Variants in ZDHHC23 observed in about 807,000 individuals in gnomAD.
The protein encoded by ZDHHC23 is zDHHC palmitoyltransferase 23.
In ZDHHC23, 41 loss-of-function variants were observed where a neutral mutation model predicts 40.2. The ratio of observed to expected loss-of-function variants is 1.02; its 90% CI spans 0.79 to 1.32. ZDHHC23 has a LOEUF of 1.32. Among genes scored for constraint, ZDHHC23 ranks in the 40% most tolerant of loss-of-function variants. ZDHHC23 has a pLI of 0.00. For missense variants in ZDHHC23, 471 were observed against 541.5 expected (o/e 0.87, Z 1.29); for synonymous variants, 204 against 210.2 (o/e 0.97, Z 0.26).
rs1458071354 is a variant in ZDHHC23, at chr3:113,948,763, T to G, written c.-40T>G. 2 of 1,612,908 alleles carry G rather than the reference T, an allele frequency of 1.2e-6. No individual in the cohort carries two copies. Among genetic ancestry groups the G allele is most frequent in the African/African-American group, 2.7e-5 (2 of 74,760 alleles). ...AGTTGTGTTCTTTCCACCTTTACCTTCTGAGGGCTTCTTACGCCTCATGGT... is the reference window on the plus strand; with the variant it reads ...AGTTGTGTTCTTTCCACCTTTACCTGCTGAGGGCTTCTTACGCCTCATGGT... On this transcript the variant is annotated 5_prime_UTR_variant, in exon 2 of 5. Coordinates refer to ENST00000638807, the MANE Select transcript of ZDHHC23 (RefSeq NM_001320466.2).
chr3:113,947,927 T>A (rs1242541172), upstream of ZDHHC23: 1 of 146,444 alleles, frequency 6.8e-6, no homozygotes, highest in Non-Finnish European at 1.5e-5. Flanking sequence ...CGCGTGGACC[T>A]GGCGCACCGA....
rs1237277903 is a variant in ZDHHC23 at position 113,958,710 on chromosome 3, C to G, written c.*80C>G. ...CCATTTTACACTTCAGTGTCCATTT[C>G]TATCCCCAGTTTCTTAAAGGCATTA... On this transcript the variant is annotated 3_prime_UTR_variant, in exon 5 of 5. Transcript: ENST00000638807. The G allele has an allele frequency of 6.3e-7, 1 of 1,592,526 alleles. No individual in the cohort carries two copies.
At chr3:113,966,477 T>C (rs1194360277), downstream of ZDHHC23, among the ~76,000 whole-genome samples, 1 of 152,136 alleles carries the variant, frequency 6.6e-6, no homozygotes, top group East Asian at 1.9e-4. Context: ...CTACCCAGTC[T>C]GGTGGTGAGG....
At chr3:113,957,140 G>A (rs76062808) in intron 4 of ZDHHC23, among the ~76,000 whole-genome samples, 20,332 of 152,046 alleles carry the variant, frequency 0.13, 1,500 homozygotes, top group South Asian at 0.26. Flanking sequence ...CTTCCGCTTC[G>A]GCCTCAGCGC....
In ZDHHC23 at chr3:113,962,435, A is replaced by G. The variant is rs1274232674; in HGVS notation, c.*3805A>G. 6.6e-6 allele frequency: 1 copy of G among 152,266 alleles called. No individual in the cohort carries two copies. The highest frequency in any genetic ancestry group is 1.5e-5 in the Non-Finnish European group (1 of 68,054). 9.4% of individuals were successfully genotyped at this position (152,266 alleles called of 1,614,324 possible). The stretch of plus-strand genomic sequence containing the variant: ...GTCTAGGTTGGGCTTGTGACTTCTT[A>G]GTGGCCTAGCCTTCTTGATGGCACC... On this transcript the variant is annotated 3_prime_UTR_variant, in exon 5 of 5. Transcript: ENST00000638807.
the ZDHHC23 span, among the ~76,000 whole-genome samples, chr3:113,972,401 C>CA: frequency 1.3e-5 from 2 of 152,024 alleles, no homozygotes; most frequent in Non-Finnish European, 2.9e-5. Context: ...GTTCCTCTTA[C>CA]TGATTCCTAA....
Position 113,958,667 on chromosome 3 carries a change from C to T in ZDHHC23, c.*37C>T, listed in dbSNP as rs768186885. On this transcript the variant is annotated 3_prime_UTR_variant, in exon 5 of 5. Transcript: ENST00000638807. Reference sequence around the variant, plus strand: ...TGTGGCTCTCTGAGGGATGATGGCTCCTCCTTCCGTCTCCCTTCCATTTTA... The same window carrying T: ...TGTGGCTCTCTGAGGGATGATGGCTTCTCCTTCCGTCTCCCTTCCATTTTA... The T allele has an allele frequency of 8.8e-6, 14 of 1,593,384 alleles. No individual in the cohort carries two copies. The Middle Eastern group carries it at 1.2e-3, about 131-fold the overall frequency.
intron 2 of ZDHHC23, among the ~76,000 whole-genome samples, 160 bp from the exon 3 acceptor site, chr3:113,953,540 A>G (rs528446459): frequency 6.6e-6 from 1 of 152,366 alleles, no homozygotes; most frequent in South Asian, 2.1e-4. Flanking sequence ...TTAAAAAATG[A>G]CATGTGAATC....
chr3:113,962,445 C>G lies in ZDHHC23; in HGVS notation c.*3815C>G, dbSNP rs1020179128. The G allele has an allele frequency of 1.3e-5, 2 of 152,206 alleles. No individual in the cohort carries two copies. The highest frequency in any genetic ancestry group is 4.8e-5 in the African/African-American group (2 of 41,454). 9.4% of individuals were successfully genotyped at this position (152,206 alleles called of 1,614,324 possible). A position where few individuals can be genotyped will look rare whatever the true frequency, so the allele number is the denominator to read the frequency against. On this transcript the variant is annotated 3_prime_UTR_variant, in exon 5 of 5. Coordinates refer to ENST00000638807, the MANE Select transcript of ZDHHC23 (RefSeq NM_001320466.2). The stretch of plus-strand genomic sequence containing the variant: ...GGCTTGTGACTTCTTAGTGGCCTAG[C>G]CTTCTTGATGGCACCTTGAAAGTGA...
At chr3:113,978,332 C>CTGGG in the ZDHHC23 span, 2 of 1,613,500 alleles carry the variant, frequency 1.2e-6, no homozygotes, top group Non-Finnish European at 1.7e-6. Flanking sequence ...CAATCACGTA[C>CTGGG]TGGGGATGAA....
At chr3:113,978,063 G>T in the ZDHHC23 span, 1 of 1,050,110 alleles carries the variant, frequency 9.5e-7, no homozygotes, top group Non-Finnish European at 1.4e-6. Context: ...TCCCACCCCT[G>T]ACTGGTGTTT....
At chr3:113,971,071 G>GTA in the ZDHHC23 span, among the ~76,000 whole-genome samples, 2 of 152,164 alleles carry the variant, frequency 1.3e-5, no homozygotes, top group East Asian at 3.8e-4. Flanking sequence ...AATCCTTTGG[G>GTA]TATATACCCA....
the ZDHHC23 span, among the ~76,000 whole-genome samples, chr3:113,976,950 T>TC: frequency 6.6e-6 from 1 of 152,200 alleles, no homozygotes; most frequent in South Asian, 2.1e-4. Flanking sequence ...TTATCTGTTT[T>TC]CCCACTCCAC....
chr3:113,956,138 A>T (rs1027984677), intron 3 of ZDHHC23, among the ~76,000 whole-genome samples: 3 of 152,164 alleles, frequency 2.0e-5, no homozygotes, highest in Admixed American at 1.3e-4. Context: ...GCTACTTGAG[A>T]GGCTGAGGCA....
chr3:113,962,425 G>A lies in ZDHHC23; in HGVS notation c.*3795G>A, dbSNP rs954407730. On this transcript the variant is annotated 3_prime_UTR_variant, in exon 5 of 5. Transcript: ENST00000638807. Reference sequence around the variant, plus strand: ...AGGCTGCGATGTCTAGGTTGGGCTTGTGACTTCTTAGTGGCCTAGCCTTCT... The same window carrying A: ...AGGCTGCGATGTCTAGGTTGGGCTTATGACTTCTTAGTGGCCTAGCCTTCT... The A allele has an allele frequency of 2.0e-5, 3 of 152,228 alleles. No individual in the cohort carries two copies. The highest frequency in any genetic ancestry group is 7.2e-5 in the African/African-American group (3 of 41,452). The allele number at this position is 152,228 out of a possible 1,614,324, so 9.4% of individuals were successfully genotyped here. A position where few individuals can be genotyped will look rare whatever the true frequency, so the allele number is the denominator to read the frequency against.
chr3:113,976,503 C>T, the ZDHHC23 span, among the ~76,000 whole-genome samples: 2 of 152,116 alleles, frequency 1.3e-5, no homozygotes, highest in Non-Finnish European at 2.9e-5. Context: ...CAAGTTATTA[C>T]TGCTATCAGA....
chr3:113,954,597 T>C (rs1299212653), intron 3 of ZDHHC23, among the ~76,000 whole-genome samples, 187 bp downstream of exon 3: 3 of 152,190 alleles, frequency 2.0e-5, no homozygotes, highest in Admixed American at 2.0e-4. Flanking sequence ...TTTAGTTCCT[T>C]CAGTCATTTC....
chr3:113,965,232 C>T (rs1207773359), downstream of ZDHHC23: 12 of 1,612,122 alleles, frequency 7.4e-6, no homozygotes, highest in South Asian at 2.2e-5. Context: ...CTTCCAGGTA[C>T]CTGGAAGTCT....
At chr3:113,949,795 C>T (rs1938490703) in intron 2 of ZDHHC23, among the ~76,000 whole-genome samples, 1 of 152,182 alleles carries the variant, frequency 6.6e-6, no homozygotes, top group South Asian at 2.1e-4. Flanking sequence ...TACATTAATA[C>T]AGCCATGAAA....
Sources: allele counts gnomAD v4.1 joint callset (sites outside exome capture counted in the v4.1 genomes callset), GRCh38; gene constraint gnomAD v4.1.1; transcripts MANE v1.5; gene names NCBI Gene and HGNC (gene_info 2026-07-23, HGNC 2026-07-21).